KCNK9: variants seen among roughly 807,000 people sequenced by gnomAD.
KCNK9 encodes potassium channel subfamily K member 9.
In KCNK9, 1 loss-of-function variant was observed where a neutral mutation model predicts 10.8. The ratio of observed to expected loss-of-function variants is 0.09; its 90% CI spans 0.03 to 0.44. The LOEUF (loss-of-function observed/expected upper bound fraction) is 0.44. Among genes scored for constraint, KCNK9 ranks in the 20% least tolerant of loss-of-function variants. The pLI is 0.97. For synonymous variants in KCNK9, 231 were observed against 222.7 expected (o/e 1.04, Z -0.33); for missense variants, 303 against 515.0 (o/e 0.59, Z 3.98).
intron 1 of KCNK9, among the ~76,000 whole-genome samples, chr8:139,686,714 G>A (rs1318299894): frequency 6.6e-6 from 1 of 152,146 alleles, no homozygotes; most frequent in Non-Finnish European, 1.5e-5. Context: ...AAGCAGTCTG[G>A]CTCCAAAACT....
In KCNK9 at chr8:139,693,099, G is replaced by A. The variant is rs1209944222; in HGVS notation, c.283+9611C>T. The stretch of plus-strand genomic sequence containing the variant: ...ATGTATGCCCACCTTCCACACCTCT[G>A]ACAAACACCACATGTGCGCTGCGTG... On this transcript the variant is annotated intron_variant, in intron 1 of 1. Transcript: ENST00000520439. The surrounding 1 kb of genome is among the most constrained non-coding windows in gnomAD (Gnocchi z 4.1). Among the ~76,000 whole-genome samples the A allele has an allele frequency of 6.6e-6, 1 of 152,104 alleles. No homozygotes were observed. Among genetic ancestry groups the A allele is most frequent in the Non-Finnish European group, 1.5e-5 (1 of 68,026 alleles).
intron 1 of KCNK9, among the ~76,000 whole-genome samples, chr8:139,695,165 A>G (rs950143021): frequency 6.6e-6 from 1 of 152,226 alleles, no homozygotes; most frequent in African/African-American, 2.4e-5. Flanking sequence ...AGACAGGGAC[A>G]CTTTTGCTTA....
At chr8:139,622,359 AT>A (rs1403902442) in intron 1 of KCNK9, among the ~76,000 whole-genome samples, 2 of 152,130 alleles carry the variant, frequency 1.3e-5, no homozygotes, top group Admixed American at 1.3e-4. Context: ...CCACTGTCCT[AT>A]TTAGGCGTTC....
downstream of KCNK9, among the ~76,000 whole-genome samples, chr8:139,608,777 T>G (rs1185068447): frequency 6.6e-6 from 1 of 152,210 alleles, no homozygotes; most frequent in African/African-American, 2.4e-5. Context: ...TGGGGGCCAC[T>G]GTTGTAGAGA....
At position 139,662,875 on chromosome 8, in the gene KCNK9, G is replaced by C. The variant is rs2319422; in HGVS notation, c.283+39835C>G. Reference sequence around the variant, plus strand: ...GGAGGAAGGGGAGGGGTGGGGGAAGGGGGGGGGGCTGGAGGACAGATCTCA... The same window carrying C: ...GGAGGAAGGGGAGGGGTGGGGGAAGCGGGGGGGGCTGGAGGACAGATCTCA... On this transcript the variant is annotated intron_variant, in intron 1 of 1. Transcript: ENST00000520439. 4.5e-4 allele frequency among the ~76,000 whole-genome samples: 22 copies of C among 49,252 alleles called. No individual in the cohort carries two copies. The East Asian group carries it at 0.085, about 189-fold the overall frequency. The allele number at this position is 49,252 out of a possible 152,430, so 32.3% of individuals were successfully genotyped here. A position where few individuals can be genotyped will look rare whatever the true frequency, so the allele number is the denominator to read the frequency against.
At chr8:139,605,876 C>T (rs566016179) in intron 2 of KCNK9, among the ~76,000 whole-genome samples, 1 of 152,164 alleles carries the variant, frequency 6.6e-6, no homozygotes. Context: ...TAAGCTGTGA[C>T]AATAATAAAT....
intron 1 of KCNK9, among the ~76,000 whole-genome samples, chr8:139,620,603 C>T (rs892471130): frequency 1.3e-5 from 2 of 152,042 alleles, no homozygotes; most frequent in African/African-American, 2.4e-5. Flanking sequence ...TGTCTGTCTC[C>T]GGTGGTGTGA....
chr8:139,661,690 C>T (rs1816155085), intron 1 of KCNK9, among the ~76,000 whole-genome samples: 1 of 152,220 alleles, frequency 6.6e-6, no homozygotes, highest in Non-Finnish European at 1.5e-5. Flanking sequence ...GAGAGGCCAA[C>T]AGGGACTGGT....
chr8:139,674,797 C>T (rs1156459251), intron 1 of KCNK9, among the ~76,000 whole-genome samples: 1 of 152,170 alleles, frequency 6.6e-6, no homozygotes, highest in Non-Finnish European at 1.5e-5. Context: ...GACAGGGACT[C>T]AGCCCGGGGT....
chr8:139,608,885 C>T (rs1271617734), downstream of KCNK9, among the ~76,000 whole-genome samples: 1 of 152,178 alleles, frequency 6.6e-6, no homozygotes, highest in Non-Finnish European at 1.5e-5. Context: ...GAGCCCAGAG[C>T]TGGGCTTTTG....
chr8:139,691,905 C>T (rs1013075844), intron 1 of KCNK9, among the ~76,000 whole-genome samples: 6 of 152,200 alleles, frequency 3.9e-5, no homozygotes, highest in African/African-American at 1.4e-4. Context: ...TAGAGTTGGT[C>T]ATAAGACATA....
intron 1 of KCNK9, among the ~76,000 whole-genome samples, chr8:139,670,571 C>T (rs908753305): frequency 3.9e-5 from 6 of 152,046 alleles, no homozygotes; most frequent in African/African-American, 1.5e-4. Flanking sequence ...GTGCAAATAC[C>T]GCACCATTTT....
intron 1 of KCNK9, among the ~76,000 whole-genome samples, chr8:139,692,803 T>C (rs979485679): frequency 6.6e-6 from 1 of 152,154 alleles, no homozygotes; most frequent in African/African-American, 2.4e-5. Flanking sequence ...GCCCATGCCC[T>C]GGCACCCATG....
intron 1 of KCNK9, among the ~76,000 whole-genome samples, chr8:139,676,101 G>A (rs935052659): frequency 1.3e-5 from 2 of 152,230 alleles, no homozygotes; most frequent in East Asian, 3.9e-4. Context: ...GGAGCCTGGG[G>A]CCCTGAATGA....
intron 1 of KCNK9, among the ~76,000 whole-genome samples, chr8:139,686,409 A>C (rs1816788414): frequency 3.3e-5 from 5 of 152,232 alleles, no homozygotes; most frequent in South Asian, 2.1e-4. Flanking sequence ...ACTTAAACAA[A>C]TTTACAAGAA....
At chr8:139,613,958 G>C (rs1007532945), downstream of KCNK9, among the ~76,000 whole-genome samples, 1 of 152,178 alleles carries the variant, frequency 6.6e-6, no homozygotes, top group Non-Finnish European at 1.5e-5. Flanking sequence ...TCTGCAGAGG[G>C]CTTCAAAGGG....
chr8:139,677,790 A>G (rs1326411784), intron 1 of KCNK9, among the ~76,000 whole-genome samples: 1 of 148,456 alleles, frequency 6.7e-6, no homozygotes, highest in East Asian at 1.9e-4. Context: ...CCATGGCTGC[A>G]GAGTAATACC....
At chr8:139,695,530 A>G (rs1042063798) in intron 1 of KCNK9, among the ~76,000 whole-genome samples, 1 of 152,160 alleles carries the variant, frequency 6.6e-6, no homozygotes, top group Admixed American at 6.5e-5. Flanking sequence ...AAAAAGGGAG[A>G]GCTTTCTACA....
chr8:139,608,998 C>T (rs1427033390), downstream of KCNK9, among the ~76,000 whole-genome samples: 2 of 151,708 alleles, frequency 1.3e-5, no homozygotes, highest in African/African-American at 4.8e-5. Flanking sequence ...CTGCCCCCAC[C>T]CCCGCGTATG....
Sources: allele counts gnomAD v4.1 joint callset (sites outside exome capture counted in the v4.1 genomes callset), GRCh38; gene constraint gnomAD v4.1.1; non-coding constraint Gnocchi (gnomAD v3.1); transcripts MANE v1.5; gene names NCBI Gene and HGNC (gene_info 2026-07-23, HGNC 2026-07-21).